The following TCEA1 variants were observed in gnomAD, a reference collection of about 807,000 sequenced individuals.
TCEA1 encodes transcription elongation factor A protein 1.
Under a neutral mutation model 43.8 loss-of-function variants are expected in TCEA1, and 21 were observed. That is an observed-to-expected ratio of 0.48 (90% CI 0.34 to 0.69). The LOEUF (loss-of-function observed/expected upper bound fraction) is 0.69. TCEA1 is among the 30% of genes least tolerant of loss of function. TCEA1 has a pLI of 0.01. For missense variants in TCEA1, 250 were observed against 365.1 expected, an observed-to-expected ratio of 0.68 and a Z score of 2.57; for synonymous variants, 104 against 117.5, an observed-to-expected ratio of 0.88 and a Z score of 0.75.
At chr8:53,993,420 C>T in intron 4 of TCEA1, 1 of 299,338 alleles carries the variant, frequency 3.3e-6, no homozygotes, top group Admixed American at 4.9e-5. Context: ...CCCCAGCAAT[C>T]CCATTCAATT....
At chr8:53,989,745 T>G (rs1803811676) in intron 4 of TCEA1, among the ~76,000 whole-genome samples, 1 of 152,030 alleles carries the variant, frequency 6.6e-6, no homozygotes. Context: ...TAAAAACCCA[T>G]TTATTATTTT....
At chr8:54,002,056 C>A (rs1008385745) in intron 2 of TCEA1, among the ~76,000 whole-genome samples, 1 of 151,760 alleles carries the variant, frequency 6.6e-6, no homozygotes, top group African/African-American at 2.4e-5. Flanking sequence ...GTAGTCCCAG[C>A]TACTCGGGAG....
intron 4 of TCEA1, among the ~76,000 whole-genome samples, chr8:53,990,158 A>G (rs2129304547): frequency 6.6e-6 from 1 of 151,658 alleles, no homozygotes; most frequent in Non-Finnish European, 1.5e-5. Context: ...TGACTACGCC[A>G]CTGCACTCCA....
At chr8:53,994,413 A>G (rs893472438) in intron 3 of TCEA1, among the ~76,000 whole-genome samples, 1 of 152,210 alleles carries the variant, frequency 6.6e-6, no homozygotes, top group Non-Finnish European at 1.5e-5. Context: ...ATTTCCATAA[A>G]GTTAGAAAAT....
intron 4 of TCEA1, among the ~76,000 whole-genome samples, chr8:53,991,781 G>A (rs1263365094): frequency 1.3e-5 from 2 of 151,416 alleles, no homozygotes; most frequent in Non-Finnish European, 2.9e-5. Flanking sequence ...AAACTAAACG[G>A]ATATAACGTT....
intron 3 of TCEA1, 55 bp downstream of exon 3, chr8:53,999,890 A>C: frequency 8.4e-7 from 1 of 1,185,710 alleles, no homozygotes; most frequent in Non-Finnish European, 1.2e-6. Flanking sequence ...GTAACCATTA[A>C]CTATTTGAAT....
intron 1 of TCEA1, chr8:54,021,630 T>C (rs1805035827): frequency 6.4e-6 from 1 of 155,872 alleles, no homozygotes; most frequent in Admixed American, 6.5e-5. Context: ...ACCAGCCCGA[T>C]GTCTAATACC....
intron 2 of TCEA1, among the ~76,000 whole-genome samples, chr8:54,006,924 G>A (rs554209405): frequency 6.6e-6 from 1 of 152,192 alleles, no homozygotes; most frequent in East Asian, 1.9e-4. Flanking sequence ...TGCAACCTCC[G>A]CCTCCTGGGT....
At chr8:53,968,491 G>C (rs1409652385) in intron 9 of TCEA1, among the ~76,000 whole-genome samples, 3 of 151,974 alleles carry the variant, frequency 2.0e-5, no homozygotes, top group African/African-American at 4.8e-5. Context: ...GTCAAAACTT[G>C]TGTCACAAAG....
intron 8 of TCEA1, chr8:53,973,091 C>A: frequency 1.5e-6 from 1 of 655,326 alleles, no homozygotes. Context: ...CTTCCTCTAG[C>A]GAAAATGAAG....
Position 53,994,587 on chromosome 8 carries a change from G to A in TCEA1, c.233-832C>T, listed in dbSNP as rs573243870. Among the ~76,000 whole-genome samples the A allele has an allele frequency of 1.6e-4, 24 of 152,100 alleles. No homozygotes were observed. In the East Asian group the frequency reaches 3.5e-3, roughly 22 times the overall value. ...CACAAGCTTTAAGACTTAAAGAGGCGGCCAGGCACAGTGGTTCATGCCTGC... is the reference window on the plus strand; with the variant it reads ...CACAAGCTTTAAGACTTAAAGAGGCAGCCAGGCACAGTGGTTCATGCCTGC... On this transcript the variant is annotated intron_variant, in intron 3 of 9. Coordinates refer to ENST00000521604, the MANE Select transcript of TCEA1 (RefSeq NM_006756.4).
chr8:53,995,577 CTACA>C (rs1804028931), intron 3 of TCEA1, among the ~76,000 whole-genome samples: 1 of 152,160 alleles, frequency 6.6e-6, no homozygotes, highest in South Asian at 2.1e-4. Context: ...GCAATAAAGG[CTACA>C]TAAAGAATTC....
intron 2 of TCEA1, among the ~76,000 whole-genome samples, chr8:54,006,185 A>G (rs1385269580): frequency 6.6e-6 from 1 of 152,182 alleles, no homozygotes; most frequent in Admixed American, 6.5e-5. Context: ...CCAGATGAAC[A>G]CTGTATGGAC....
At chr8:53,970,869 T>C (rs190367666) in intron 8 of TCEA1, among the ~76,000 whole-genome samples, 8 of 152,228 alleles carry the variant, frequency 5.3e-5, no homozygotes, top group Non-Finnish European at 7.3e-5. Context: ...ATTAAGAAGA[T>C]GTAAAAATTG....
chr8:54,021,973 G>T (rs1439853115), intron 1 of TCEA1, 90 bp downstream of exon 1: 1 of 1,252,942 alleles, frequency 8.0e-7, no homozygotes, highest in Non-Finnish European at 1.0e-6. Context: ...GCTGCAGGGG[G>T]AGGGGAGGGA....
chr8:53,982,660 G>A (rs138079463), intron 7 of TCEA1, among the ~76,000 whole-genome samples: 205 of 150,442 alleles, frequency 1.4e-3, no homozygotes, highest in African/African-American at 4.8e-3. Context: ...CAGATGTAAT[G>A]GAAAAAGCAT....
intron 1 of TCEA1, among the ~76,000 whole-genome samples, chr8:54,019,580 A>G (rs1486926823): frequency 6.6e-6 from 1 of 152,052 alleles, no homozygotes; most frequent in Non-Finnish European, 1.5e-5. Flanking sequence ...AAAAAAAAAA[A>G]AAAAGTTAAC....
chr8:53,993,254 C>T (rs1267289554), intron 4 of TCEA1: 2 of 151,396 alleles, frequency 1.3e-5, no homozygotes, highest in Non-Finnish European at 2.9e-5. Context: ...CTGTGCCTAG[C>T]CACAAATTGC....
chr8:53,993,099 C>A (rs1331611779), intron 4 of TCEA1, among the ~76,000 whole-genome samples: 2 of 149,330 alleles, frequency 1.3e-5, no homozygotes, highest in Admixed American at 6.7e-5. Context: ...ACTATAGACA[C>A]ATGCCACCAC....
Sources: allele counts gnomAD v4.1 joint callset (sites outside exome capture counted in the v4.1 genomes callset), GRCh38; gene constraint gnomAD v4.1.1; transcripts MANE v1.5; gene names NCBI Gene and HGNC (gene_info 2026-07-23, HGNC 2026-07-21).